The following WWOX variants were observed in gnomAD, a reference collection of about 807,000 sequenced individuals.
The protein encoded by WWOX is WW domain containing oxidoreductase, also known as WW domain-containing oxidoreductase.
WWOX carries 69 observed loss-of-function variants against 46.2 expected under a neutral mutation model. The observed-to-expected ratio is 1.49, with a 90% confidence interval of 1.23 to 1.82. The LOEUF (loss-of-function observed/expected upper bound fraction) is 1.82, where lower values mean the gene tolerates loss of function less well. WWOX is among the 40% of genes most tolerant of loss of function. WWOX has a pLI of 0.00. For synonymous variants in WWOX, 359 were observed against 202.6 expected (o/e 1.77, Z -6.56); for missense variants, 919 against 542.6 (o/e 1.69, Z -6.89).
chr16:78,812,588 T>C (rs2051218589), intron 8 of WWOX, among the ~76,000 whole-genome samples: 1 of 151,818 alleles, frequency 6.6e-6, no homozygotes, highest in Non-Finnish European at 1.5e-5. Context: ...TTGCCAGGCC[T>C]AGGCGCAGGC....
At chr16:78,236,151 G>T (rs976185882) in intron 5 of WWOX, among the ~76,000 whole-genome samples, 2 of 152,196 alleles carry the variant, frequency 1.3e-5, no homozygotes, top group African/African-American at 4.8e-5. Context: ...CACAGACTTT[G>T]GATGTCTCAT....
chr16:79,179,303 A>G (rs1321386577), intron 8 of WWOX, among the ~76,000 whole-genome samples: 4 of 152,262 alleles, frequency 2.6e-5, no homozygotes, highest in African/African-American at 7.2e-5. Flanking sequence ...ACATTTTTCC[A>G]TTTTTATGTT....
intron 8 of WWOX, among the ~76,000 whole-genome samples, chr16:78,887,048 T>C (rs951210891): frequency 3.3e-5 from 5 of 150,414 alleles, no homozygotes; most frequent in African/African-American, 1.2e-4. Flanking sequence ...AGTGATGAAG[T>C]GACAGTCTGG....
At chr16:79,076,701 C>T (rs559884802) in intron 8 of WWOX, among the ~76,000 whole-genome samples, 2 of 152,322 alleles carry the variant, frequency 1.3e-5, no homozygotes, top group African/African-American at 4.8e-5. Context: ...GTCTTTAGCC[C>T]CCCACTTAGG....
chr16:78,499,556 G>T (rs1483644644), intron 8 of WWOX, among the ~76,000 whole-genome samples: 1 of 152,234 alleles, frequency 6.6e-6, no homozygotes, highest in Non-Finnish European at 1.5e-5. Flanking sequence ...CCACAATGCC[G>T]GGCGGTGGAC....
At chr16:78,648,401 C>T (rs144428147) in intron 8 of WWOX, among the ~76,000 whole-genome samples, 2 of 152,250 alleles carry the variant, frequency 1.3e-5, no homozygotes, top group East Asian at 3.9e-4. Flanking sequence ...TTGTCAAGAT[C>T]ATTTTTGCAG....
At position 78,948,084 on chromosome 16, in the gene WWOX, C is replaced by A. The variant is rs534703054; in HGVS notation, c.1057-263524C>A. On this transcript the variant is annotated intron_variant, in intron 8 of 8. Transcript: ENST00000566780. ...GCCTGTGCCGTCAGAGAGAGTTCAA[C>A]TCCATCCGTGCAGCTGCTAGCATCT... 2.0e-5 allele frequency among the ~76,000 whole-genome samples: 3 copies of A among 152,330 alleles called. No individual in the cohort carries two copies. In the East Asian group the frequency reaches 5.8e-4, roughly 29 times the overall value.
intron 5 of WWOX, among the ~76,000 whole-genome samples, chr16:78,379,082 G>A (rs1158575263): frequency 1.6e-4 from 25 of 152,122 alleles, no homozygotes; most frequent in Non-Finnish European, 2.9e-5. Flanking sequence ...TTTCTCATCT[G>A]TAAAATGGGG....
intron 8 of WWOX, among the ~76,000 whole-genome samples, chr16:78,999,948 C>G (rs1486928430): frequency 6.6e-6 from 1 of 152,118 alleles, no homozygotes; most frequent in African/African-American, 2.4e-5. Context: ...CATATTTTCA[C>G]CGGGAGCATT....
chr16:78,263,940 CCATCTCACGACTTTTCCCTTAATGCAA>C (rs1038927694), intron 5 of WWOX, among the ~76,000 whole-genome samples: 22 of 147,584 alleles, frequency 1.5e-4, no homozygotes, highest in South Asian at 2.1e-4. Flanking sequence ...AGCCTGCTTG[CCATCTCACGACTTTTCCCTTAATGCAA>C]CAAAGAAATA....
At chr16:78,439,786 C>G (rs1002330650) in intron 8 of WWOX, among the ~76,000 whole-genome samples, 2 of 152,216 alleles carry the variant, frequency 1.3e-5, no homozygotes, top group Non-Finnish European at 2.9e-5. Flanking sequence ...TTGTGTTTGG[C>G]TACTATATGA....
chr16:78,821,240 C>T (rs917166690), intron 8 of WWOX, among the ~76,000 whole-genome samples: 10 of 152,258 alleles, frequency 6.6e-5, no homozygotes, highest in African/African-American at 2.4e-4. Context: ...CGTCTGTTAC[C>T]TGAAGAGCAG....
At chr16:78,849,136 A>T (rs2052374664) in intron 8 of WWOX, among the ~76,000 whole-genome samples, 1 of 152,048 alleles carries the variant, frequency 6.6e-6, no homozygotes, top group Non-Finnish European at 1.5e-5. Flanking sequence ...CTCAACATTA[A>T]CTGTGTACCC....
intron 5 of WWOX, among the ~76,000 whole-genome samples, chr16:78,205,870 G>A (rs1184629193): frequency 1.5e-5 from 2 of 132,538 alleles, no homozygotes; most frequent in Non-Finnish European, 3.3e-5. Context: ...CCTTCCTTCC[G>A]TCCTCCCTTC....
In WWOX at chr16:78,589,965, C is replaced by T. The variant is rs2045311921; in HGVS notation, c.1056+157213C>T. On this transcript the variant is annotated intron_variant, in intron 8 of 8. Transcript: ENST00000566780. ...CATTTCATGATTAGTGACAGGTTATCTTCTAGTTTACCTGAAGGCTATGGT... is the reference window on the plus strand; with the variant it reads ...CATTTCATGATTAGTGACAGGTTATTTTCTAGTTTACCTGAAGGCTATGGT... Among the ~76,000 whole-genome samples, 12 of 152,114 alleles carry T rather than the reference C, an allele frequency of 7.9e-5. No homozygotes were observed. The South Asian group carries it at 2.5e-3, about 32-fold the overall frequency.
At chr16:78,472,381 C>T (rs2084244877) in intron 8 of WWOX, among the ~76,000 whole-genome samples, 1 of 152,052 alleles carries the variant, frequency 6.6e-6, no homozygotes, top group African/African-American at 2.4e-5. Flanking sequence ...ACTTTGGGGC[C>T]TTGTTCATTG....
intron 8 of WWOX, among the ~76,000 whole-genome samples, chr16:78,612,312 T>C (rs1333611180): frequency 6.6e-6 from 1 of 152,192 alleles, no homozygotes; most frequent in African/African-American, 2.4e-5. Flanking sequence ...GAGGTAAAAC[T>C]TGAAGGTAGA....
rs2047779625 is a variant in WWOX, at chr16:78,683,523, G to T, written c.1056+250771G>T. On this transcript the variant is annotated intron_variant, in intron 8 of 8. Coordinates refer to ENST00000566780, the MANE Select transcript of WWOX (RefSeq NM_016373.4). The stretch of plus-strand genomic sequence containing the variant: ...CCACTGCACTCCAGCCTGGCTGACA[G>T]AGGGAGACTCTATCTCAAAAAAAAA... Among the ~76,000 whole-genome samples the T allele has an allele frequency of 2.0e-5, 3 of 150,606 alleles. No individual in the cohort carries two copies. The South Asian group carries it at 6.4e-4, about 32-fold the overall frequency.
chr16:78,812,857 G>A (rs985850721), intron 8 of WWOX, among the ~76,000 whole-genome samples: 1 of 151,990 alleles, frequency 6.6e-6, no homozygotes, highest in Non-Finnish European at 1.5e-5. Context: ...ATTTTCCCCT[G>A]TCTTATTTTC....
Sources: gnomAD v4.1 joint callset for allele counts (sites outside exome capture counted in the v4.1 genomes callset) on GRCh38, gnomAD v4.1.1 for gene constraint, MANE v1.5 for transcripts, NCBI Gene and HGNC (gene_info 2026-07-23, HGNC 2026-07-21) for gene names.